PCDH15: variants seen among roughly 807,000 people sequenced by gnomAD.
The protein encoded by PCDH15 is protocadherin-15.
Under a neutral mutation model 178.5 loss-of-function variants are expected in PCDH15, and 129 were observed. The ratio of observed to expected loss-of-function variants is 0.72; its 90% CI spans 0.63 to 0.84. PCDH15 has a LOEUF of 0.84. Among genes scored for constraint, PCDH15 ranks in the 40% least tolerant of loss-of-function variants. PCDH15 has a pLI of 0.00. For synonymous variants in PCDH15, 800 were observed against 732.0 expected (o/e 1.09, Z -1.50); for missense variants, 2,230 against 2,099.9 (o/e 1.06, Z -1.21).
chr10:55,453,282 C>T (rs1269810219), intron 2 of PCDH15, among the ~76,000 whole-genome samples: 2 of 152,096 alleles, frequency 1.3e-5, no homozygotes, highest in Non-Finnish European at 2.9e-5. Flanking sequence ...GATGCCCTCC[C>T]ACATGATAAC....
At chr10:54,260,918 C>G (rs2057272662) in intron 8 of PCDH15, among the ~76,000 whole-genome samples, 1 of 152,150 alleles carries the variant, frequency 6.6e-6, no homozygotes, top group Non-Finnish European at 1.5e-5. Flanking sequence ...CAGGTGTGAG[C>G]CACCATGCCC....
intron 2 of PCDH15, among the ~76,000 whole-genome samples, chr10:54,941,195 G>C (rs2131863693): frequency 6.6e-6 from 1 of 151,872 alleles, no homozygotes; most frequent in Non-Finnish European, 1.5e-5. Flanking sequence ...GTTCAATCTA[G>C]AGCTCAAAAT....
At chr10:54,778,219 G>A (rs1949913437) in intron 1 of PCDH15, among the ~76,000 whole-genome samples, 1 of 152,132 alleles carries the variant, frequency 6.6e-6, no homozygotes, top group African/African-American at 2.4e-5. Flanking sequence ...GTTCAACAAG[G>A]GAATCCAGTC....
intron 29 of PCDH15, 97 bp from the exon 30 acceptor site, chr10:53,831,630 A>G: frequency 1.2e-6 from 1 of 859,414 alleles, no homozygotes; most frequent in Admixed American, 2.4e-5. Context: ...TATTTTCTCT[A>G]ATTGAAACAC....
At chr10:54,845,348 A>T (rs2131757118) in intron 3 of PCDH15, among the ~76,000 whole-genome samples, 1 of 152,172 alleles carries the variant, frequency 6.6e-6, no homozygotes, top group East Asian at 1.9e-4. Context: ...TTTGGTTGAC[A>T]GGGAAGTGAA....
chr10:54,478,756 C>T (rs116414470), intron 3 of PCDH15, among the ~76,000 whole-genome samples: 5 of 151,848 alleles, frequency 3.3e-5, no homozygotes, highest in African/African-American at 9.7e-5. Flanking sequence ...TTTCCTTTTT[C>T]GCGTATGTCT....
chr10:55,104,603 G>A (rs908410659), intron 2 of PCDH15, among the ~76,000 whole-genome samples: 1 of 152,186 alleles, frequency 6.6e-6, no homozygotes, highest in South Asian at 2.1e-4. Context: ...TGGTGTAGCT[G>A]CAGTGATGAC....
chr10:55,332,984 C>T (rs951243515), intron 2 of PCDH15, among the ~76,000 whole-genome samples: 7 of 152,130 alleles, frequency 4.6e-5, no homozygotes, highest in African/African-American at 1.7e-4. Context: ...ACTTGCCACA[C>T]ATCTTTTACA....
chr10:54,513,410 G>A (rs925758929), intron 3 of PCDH15, among the ~76,000 whole-genome samples: 1 of 151,766 alleles, frequency 6.6e-6, no homozygotes, highest in East Asian at 1.9e-4. Flanking sequence ...ACAGGTGCAC[G>A]CCCCCATGCC....
intron 3 of PCDH15, among the ~76,000 whole-genome samples, chr10:54,812,807 C>G (rs543514503): frequency 6.8e-4 from 103 of 152,154 alleles, no homozygotes; most frequent in African/African-American, 2.4e-3. Flanking sequence ...CCATATTGGC[C>G]AGGCTGGTCT....
intron 5 of PCDH15, among the ~76,000 whole-genome samples, chr10:54,350,386 C>T (rs1009904735): frequency 5.3e-5 from 8 of 152,094 alleles, no homozygotes; most frequent in African/African-American, 1.7e-4. Flanking sequence ...CTGTGTATTT[C>T]TACTACTAGA....
At chr10:53,960,152 C>A in intron 22 of PCDH15, among the ~76,000 whole-genome samples, 1 of 152,168 alleles carries the variant, frequency 6.6e-6, no homozygotes, top group Non-Finnish European at 1.5e-5. Context: ...TACTATATCT[C>A]TCCAATTAAA....
chr10:54,726,421 TGTG>T (rs1942515378), intron 1 of PCDH15, among the ~76,000 whole-genome samples: 1 of 6,226 alleles, frequency 1.6e-4, no homozygotes, highest in Admixed American at 7.2e-4. Context: ...CCATCAGGGG[TGTG>T]TGTGTGTGTG....
At chr10:55,525,355 A>C (rs1841280547) in intron 2 of PCDH15, among the ~76,000 whole-genome samples, 1 of 151,910 alleles carries the variant, frequency 6.6e-6, no homozygotes, top group South Asian at 2.1e-4. Context: ...ATGTGAAGAC[A>C]CGTTTCATTC....
chr10:54,201,126 A>C (rs1305385952), intron 10 of PCDH15, among the ~76,000 whole-genome samples: 2 of 152,156 alleles, frequency 1.3e-5, no homozygotes, highest in African/African-American at 4.8e-5. Context: ...ACTTGGAGGC[A>C]CCTCTTGCTT....
At chr10:53,965,838 T>C (rs2088953174) in intron 21 of PCDH15, among the ~76,000 whole-genome samples, 1 of 147,222 alleles carries the variant, frequency 6.8e-6, no homozygotes, top group African/African-American at 2.5e-5. Context: ...AAGTTAATTA[T>C]ACTTAGAATC....
At chr10:55,243,370 T>C (rs1405845008) in intron 1 of PCDH15, among the ~76,000 whole-genome samples, 2 of 152,140 alleles carry the variant, frequency 1.3e-5, no homozygotes, top group Non-Finnish European at 2.9e-5. Flanking sequence ...GTGATGAAAA[T>C]ACCATGGGGA....
At chr10:54,750,581 CAAT>C (rs1161434737) in intron 1 of PCDH15, among the ~76,000 whole-genome samples, 1 of 151,966 alleles carries the variant, frequency 6.6e-6, no homozygotes, top group Admixed American at 6.6e-5. Context: ...TCTTTGAAGA[CAAT>C]AAGTTGGAGG....
intron 3 of PCDH15, among the ~76,000 whole-genome samples, chr10:54,516,329 G>A (rs1482057212): frequency 6.6e-6 from 1 of 152,028 alleles, no homozygotes; most frequent in African/African-American, 2.4e-5. Flanking sequence ...TTAGATGAAT[G>A]TATAACTAGA....
Sources: allele counts gnomAD v4.1 joint callset (sites outside exome capture counted in the v4.1 genomes callset), GRCh38; gene constraint gnomAD v4.1.1; transcripts MANE v1.5; gene names NCBI Gene and HGNC (gene_info 2026-07-23, HGNC 2026-07-21).